The following MAPK14 variants were observed in gnomAD, a reference collection of about 807,000 sequenced individuals.
MAPK14 encodes mitogen-activated protein kinase 14.
MAPK14 carries 16 observed loss-of-function variants against 49.6 expected under a neutral mutation model. That is an observed-to-expected ratio of 0.32 (90% CI 0.22 to 0.49). MAPK14 has a LOEUF of 0.49. Among genes scored for constraint, MAPK14 ranks in the 20% least tolerant of loss-of-function variants. MAPK14 has a pLI of 0.99. For missense variants in MAPK14, 200 were observed against 441.2 expected (o/e 0.45, Z 4.90); for synonymous variants, 142 against 158.0 (o/e 0.90, Z 0.76).
Position 36,075,767 on chromosome 6 carries a change from G to C in MAPK14, c.496-81G>C, listed in dbSNP as rs1562130373. ...CTTTTTAATAAGGCAACAGAGGTTT[G>C]TTTGTTGTTGTTGTTTTGTTTTTTT... On this transcript the variant is annotated intron_variant, in intron 6 of 11. Coordinates refer to ENST00000229794, the MANE Select transcript of MAPK14 (RefSeq NM_139012.3). The C allele has an allele frequency of 1.3e-5, 21 of 1,592,590 alleles. No homozygotes were observed. The East Asian group carries it at 1.6e-4, about 12-fold the overall frequency.
intron 3 of MAPK14, among the ~76,000 whole-genome samples, chr6:36,059,875 C>G (rs1367882709): frequency 6.6e-6 from 1 of 152,206 alleles, no homozygotes; most frequent in Non-Finnish European, 1.5e-5. Flanking sequence ...GCCATATAGA[C>G]TCCCTCCTCT....
At chr6:36,075,762 G>C in intron 6 of MAPK14, 86 bp from the exon 7 acceptor site, 9 of 1,580,636 alleles carry the variant, frequency 5.7e-6, no homozygotes, top group South Asian at 5.6e-5. Context: ...AGGCAACAGA[G>C]GTTTGTTTGT....
intron 10 of MAPK14, 161 bp downstream of exon 10, chr6:36,102,810 T>A (rs1482005708): frequency 3.9e-6 from 5 of 1,293,002 alleles, no homozygotes; most frequent in Non-Finnish European, 5.2e-6. Flanking sequence ...GTTGTCAGAT[T>A]TTTTTTTAAT....
chr6:36,106,618 A>G (rs1765804771), intron 10 of MAPK14, among the ~76,000 whole-genome samples: 1 of 152,208 alleles, frequency 6.6e-6, no homozygotes, highest in African/African-American at 2.4e-5. Context: ...GTAAAGTGTC[A>G]TGTCTATAAT....
chr6:36,052,864 CT>C (rs773460672), intron 2 of MAPK14, 36 bp downstream of exon 2: 1 of 1,562,666 alleles, frequency 6.4e-7, no homozygotes, highest in South Asian at 1.1e-5. Context: ...ACATTTTGAT[CT>C]TGAATAGACT....
chr6:36,042,392 CTG>C (rs1414878173), intron 1 of MAPK14, among the ~76,000 whole-genome samples: 2 of 150,978 alleles, frequency 1.3e-5, no homozygotes, highest in Non-Finnish European at 2.9e-5. Context: ...ATGTGTGCCT[CTG>C]TTCATTTTGA....
downstream of MAPK14, among the ~76,000 whole-genome samples, chr6:36,112,433 A>G (rs1159643279): frequency 1.3e-5 from 2 of 152,238 alleles, no homozygotes; most frequent in African/African-American, 4.8e-5. Context: ...TGGAACTTTA[A>G]TCATGAAAAT....
At chr6:36,060,176 C>T (rs1763756870) in intron 3 of MAPK14, among the ~76,000 whole-genome samples, 1 of 152,134 alleles carries the variant, frequency 6.6e-6, no homozygotes, top group Non-Finnish European at 1.5e-5. Context: ...TGAAAACTGC[C>T]AAGATCTAAG....
At chr6:36,059,217 A>T (rs994194015) in intron 2 of MAPK14, 72 bp from the exon 3 acceptor site, 2 of 946,628 alleles carry the variant, frequency 2.1e-6, no homozygotes, top group Non-Finnish European at 3.2e-6. Flanking sequence ...AAAAAAAAGA[A>T]GATTAAGACC....
chr6:36,112,935 G>A (rs1766000941), downstream of MAPK14, among the ~76,000 whole-genome samples: 1 of 152,106 alleles, frequency 6.6e-6, no homozygotes, highest in South Asian at 2.1e-4. Context: ...ATTGGCTTCA[G>A]GTACTTAAGA....
chr6:36,051,180 A>G (rs973165652), intron 1 of MAPK14, among the ~76,000 whole-genome samples: 2 of 151,476 alleles, frequency 1.3e-5, no homozygotes, highest in African/African-American at 2.4e-5. Flanking sequence ...CGATGGTGCA[A>G]TCTCAGCTCA....
chr6:36,062,412 G>A (rs1763858148), intron 3 of MAPK14, among the ~76,000 whole-genome samples: 1 of 152,134 alleles, frequency 6.6e-6, no homozygotes, highest in South Asian at 2.1e-4. Flanking sequence ...TTACACAATT[G>A]GGAGTGGTGG....
downstream of MAPK14, among the ~76,000 whole-genome samples, chr6:36,115,525 C>G (rs1193601538): frequency 6.6e-6 from 1 of 152,202 alleles, no homozygotes; most frequent in Non-Finnish European, 1.5e-5. Flanking sequence ...TGGCTCGCAC[C>G]TGTAATCCCG....
At chr6:36,100,526 G>A (rs7761118) in intron 9 of MAPK14, among the ~76,000 whole-genome samples, 20,959 of 152,054 alleles carry the variant, frequency 0.14, 1,751 homozygotes, top group African/African-American at 0.24. Context: ...CTTGTGAGGC[G>A]GTTTCTTTCT....
At chr6:36,072,792 A>C in intron 3 of MAPK14, 81 bp from the exon 4 acceptor site, 1 of 817,122 alleles carries the variant, frequency 1.2e-6, no homozygotes, top group East Asian at 2.6e-5. Flanking sequence ...CAAAAAAACC[A>C]AAAAACTTAT....
At chr6:36,115,194 A>G (rs1478676509), downstream of MAPK14, among the ~76,000 whole-genome samples, 1 of 152,220 alleles carries the variant, frequency 6.6e-6, no homozygotes, top group Non-Finnish European at 1.5e-5. Context: ...AGAAGTTATT[A>G]TAAGTTAAAT....
intron 10 of MAPK14, among the ~76,000 whole-genome samples, chr6:36,103,893 A>C (rs541809207): frequency 1.1e-4 from 17 of 152,290 alleles, no homozygotes; most frequent in African/African-American, 4.1e-4. Flanking sequence ...ATTTCTTTGC[A>C]TCTGTTTGGG....
chr6:36,028,537 C>T lies in MAPK14; in HGVS notation c.116+264C>T, dbSNP rs988365692. On this transcript the variant is annotated intron_variant, in intron 1 of 11. Transcript: ENST00000229794. This position sits in a 1 kb window ranked among gnomAD's most constrained non-coding sequence, Gnocchi z 5.1. ...GCTGGAGCTCGGTTCTGGCTAGCAC[C>T]CTGCGCCTTCCCCTCTCGGAGGGTT... 2.6e-5 allele frequency among the ~76,000 whole-genome samples: 4 copies of T among 152,206 alleles called. No homozygotes were observed. The highest frequency in any genetic ancestry group is 2.6e-4 in the Admixed American group (4 of 15,280).
chr6:36,072,799 T>G, intron 3 of MAPK14, 74 bp from the exon 4 acceptor site: 2 of 849,268 alleles, frequency 2.4e-6, no homozygotes, highest in South Asian at 3.4e-5. Context: ...ACCAAAAAAC[T>G]TATAAAAGTC....
Sources: allele counts gnomAD v4.1 joint callset (sites outside exome capture counted in the v4.1 genomes callset), GRCh38; gene constraint gnomAD v4.1.1; non-coding constraint Gnocchi (gnomAD v3.1); transcripts MANE v1.5; gene names NCBI Gene and HGNC (gene_info 2026-07-23, HGNC 2026-07-21).